The following ZSWIM5 variants were observed in gnomAD, a reference collection of about 807,000 sequenced individuals.
ZSWIM5 encodes zinc finger SWIM-type containing 5, also known as zinc finger SWIM domain-containing protein 5.
ZSWIM5 carries 55 observed loss-of-function variants against 119.6 expected under a neutral mutation model. The ratio of observed to expected loss-of-function variants is 0.46; its 90% CI spans 0.37 to 0.58. The LOEUF (loss-of-function observed/expected upper bound fraction) is 0.58. Among genes scored for constraint, ZSWIM5 ranks in the 20% least tolerant of loss-of-function variants. ZSWIM5 has a pLI of 0.00. For synonymous variants in ZSWIM5, 537 were observed against 606.9 expected, an observed-to-expected ratio of 0.88 and a Z score of 1.69; for missense variants, 1,193 against 1,512.8, an observed-to-expected ratio of 0.79 and a Z score of 3.51.
At chr1:45,087,264 G>A (rs1048756963) in intron 2 of ZSWIM5, among the ~76,000 whole-genome samples, 13 of 152,154 alleles carry the variant, frequency 8.5e-5, no homozygotes, top group Non-Finnish European at 1.9e-4. Context: ...ATTTGTTTCA[G>A]ACCTGTCTGT....
intron 3 of ZSWIM5, 78 bp downstream of exon 3, chr1:45,060,021 G>A: frequency 6.5e-7 from 1 of 1,532,230 alleles, no homozygotes; most frequent in East Asian, 2.3e-5. Flanking sequence ...AATGCATGAA[G>A]CCTGAAGTGT....
chr1:45,194,310 T>C (rs1646109500), intron 1 of ZSWIM5, among the ~76,000 whole-genome samples: 1 of 152,122 alleles, frequency 6.6e-6, no homozygotes, highest in Non-Finnish European at 1.5e-5. Flanking sequence ...CAAAAGATAA[T>C]GGAAGCACAA....
intron 11 of ZSWIM5, among the ~76,000 whole-genome samples, chr1:45,023,695 G>A (rs1220254711): frequency 6.6e-6 from 1 of 152,052 alleles, no homozygotes; most frequent in Non-Finnish European, 1.5e-5. Flanking sequence ...GTGTCGACAT[G>A]TTTTCAAATA....
intron 2 of ZSWIM5, among the ~76,000 whole-genome samples, chr1:45,073,460 T>C (rs1645236992): frequency 6.6e-6 from 1 of 151,490 alleles, no homozygotes; most frequent in Non-Finnish European, 1.5e-5. Flanking sequence ...AGTTTCACCA[T>C]GTTGGCCAGG....
chr1:45,182,144 C>T (rs1466158087), intron 1 of ZSWIM5, among the ~76,000 whole-genome samples: 11 of 152,242 alleles, frequency 7.2e-5, no homozygotes, highest in Non-Finnish European at 1.5e-4. Context: ...GGGCCGGGCG[C>T]GGTGGCTCAC....
In ZSWIM5 at chr1:45,056,568, G is replaced by A. The variant is rs529324632; in HGVS notation, c.1252+2041C>T. ...AAGACTGTGCCACTGCCAAGACTGC[G>A]CCACTGCACTCCATCCTGGGTGACA... is the stretch of plus-strand genomic sequence containing the variant. On this transcript the variant is annotated intron_variant, in intron 4 of 13. Transcript: ENST00000359600. Among the ~76,000 whole-genome samples the A allele has an allele frequency of 2.0e-5, 3 of 149,028 alleles. No homozygotes were observed. The East Asian group carries it at 5.9e-4, about 29-fold the overall frequency.
intron 2 of ZSWIM5, among the ~76,000 whole-genome samples, chr1:45,082,470 A>G (rs1385453545): frequency 6.6e-6 from 1 of 152,154 alleles, no homozygotes; most frequent in Non-Finnish European, 1.5e-5. Flanking sequence ...CATCAGTGCC[A>G]TCCTAGCTAG....
chr1:45,064,315 A>G (rs1320567488), intron 2 of ZSWIM5, among the ~76,000 whole-genome samples: 1 of 152,172 alleles, frequency 6.6e-6, no homozygotes, highest in African/African-American at 2.4e-5. Context: ...TTTACATTAG[A>G]ATTTTGCATT....
At chr1:45,193,938 G>GTGTATATATATATATATATATA (rs766920512) in intron 1 of ZSWIM5, among the ~76,000 whole-genome samples, 34 of 146,266 alleles carry the variant, frequency 2.3e-4, no homozygotes, top group African/African-American at 7.1e-4. Context: ...GTGCATATGT[G>GTGTATATATATATATATATATA]TATATATATA....
chr1:45,118,417 A>G (rs1248843222), intron 1 of ZSWIM5, among the ~76,000 whole-genome samples: 1 of 152,192 alleles, frequency 6.6e-6, no homozygotes, highest in Non-Finnish European at 1.5e-5. Context: ...TAATTTCCTG[A>G]GTACTAAGAA....
intron 1 of ZSWIM5, among the ~76,000 whole-genome samples, chr1:45,125,430 A>G (rs769567870): frequency 6.6e-6 from 1 of 152,122 alleles, no homozygotes; most frequent in Non-Finnish European, 1.5e-5. Context: ...AATTTGTGGA[A>G]TGCAGGTAGA....
intron 11 of ZSWIM5, among the ~76,000 whole-genome samples, chr1:45,031,635 C>T (rs1276721983): frequency 4.0e-5 from 6 of 151,772 alleles, no homozygotes; most frequent in Non-Finnish European, 7.4e-5. Context: ...GTCAGGAGAT[C>T]GAGACCATCC....
chr1:45,167,716 AT>A (rs1645915125), intron 1 of ZSWIM5, among the ~76,000 whole-genome samples: 1 of 152,216 alleles, frequency 6.6e-6, no homozygotes, highest in Non-Finnish European at 1.5e-5. Context: ...CAACAGACAC[AT>A]GAAAAAATGC....
At chr1:45,120,857 C>T (rs766136928) in intron 1 of ZSWIM5, among the ~76,000 whole-genome samples, 7 of 152,114 alleles carry the variant, frequency 4.6e-5, no homozygotes, top group Non-Finnish European at 8.8e-5. Context: ...ATTCTTCATC[C>T]CCAGCCCTCC....
intron 1 of ZSWIM5, among the ~76,000 whole-genome samples, chr1:45,202,401 G>A (rs2149058029): frequency 6.6e-6 from 1 of 152,094 alleles, no homozygotes; most frequent in East Asian, 1.9e-4. Flanking sequence ...TGATGTTTAA[G>A]TTATAGATAA....
chr1:45,019,363 T>C lies in ZSWIM5; in HGVS notation c.2696-47A>G. Reference sequence around the variant, plus strand: ...CAGCCGTGGCCATCTGGGTCCTGATTCAGGTCTACCCAGATTACCATTTGG... The same window carrying C: ...CAGCCGTGGCCATCTGGGTCCTGATCCAGGTCTACCCAGATTACCATTTGG... On this transcript the variant is annotated intron_variant, in intron 13 of 13. Transcript: ENST00000359600. The surrounding 1 kb of genome is among the most constrained non-coding windows in gnomAD (Gnocchi z 5.0). 6.3e-7 allele frequency: 1 copy of C among 1,575,486 alleles called. No homozygotes were observed. Among genetic ancestry groups the C allele is most frequent in the Non-Finnish European group, 8.6e-7 (1 of 1,165,304 alleles).
rs759171052 is a variant in ZSWIM5, at chr1:45,019,505, C to T, written c.2696-189G>A. 1.3e-4 allele frequency among the ~76,000 whole-genome samples: 20 copies of T among 152,220 alleles called. No individual in the cohort carries two copies. The highest frequency in any genetic ancestry group is 2.6e-4 in the Non-Finnish European group (18 of 68,046). On this transcript the variant is annotated intron_variant, in intron 13 of 13. Transcript: ENST00000359600. The surrounding 1 kb of genome is among the most constrained non-coding windows in gnomAD (Gnocchi z 5.0). ...GGCCAGACCCTGTTTGGGGTCTCTTCCTATCCCTTCTTTCCCCAGGTCAGA... is the reference window on the plus strand; with the variant it reads ...GGCCAGACCCTGTTTGGGGTCTCTTTCTATCCCTTCTTTCCCCAGGTCAGA...
rs1346621731 is a variant in ZSWIM5 at position 45,017,281 on chromosome 1, GAC to G, written c.*1171_*1172del. On this transcript the variant is annotated 3_prime_UTR_variant, in exon 14 of 14. Coordinates refer to ENST00000359600, the MANE Select transcript of ZSWIM5 (RefSeq NM_020883.2). Reference sequence around the variant, plus strand: ...AAATACGCTCAGTTACACATATAAAGACACAGATGCATGGATAACAAGCATAC... The same window carrying G: ...AAATACGCTCAGTTACACATATAAAGACAGATGCATGGATAACAAGCATAC... The G allele has an allele frequency of 1.3e-5, 2 of 152,206 alleles. No homozygotes were observed. The highest frequency in any genetic ancestry group is 4.8e-5 in the African/African-American group (2 of 41,440). The allele number at this position is 152,206 out of a possible 1,614,324, so 9.4% of individuals were successfully genotyped here. A position where few individuals can be genotyped will look rare whatever the true frequency, so the allele number is the denominator to read the frequency against.
At chr1:45,051,386 C>A in intron 4 of ZSWIM5, 133 bp from the exon 5 acceptor site, 1 of 945,944 alleles carries the variant, frequency 1.1e-6, no homozygotes, top group Non-Finnish European at 1.5e-6. Context: ...AAAAAACTTG[C>A]TAAGATTTTC....
Sources: gnomAD v4.1 joint callset for allele counts (sites outside exome capture counted in the v4.1 genomes callset) on GRCh38, gnomAD v4.1.1 for gene constraint, Gnocchi (gnomAD v3.1) non-coding constraint, MANE v1.5 for transcripts, NCBI Gene and HGNC (gene_info 2026-07-23, HGNC 2026-07-21) for gene names.